The following THADA variants were observed in gnomAD, a reference collection of about 807,000 sequenced individuals.
THADA encodes THADA armadillo repeat containing.
A neutral mutation model predicts 219.8 loss-of-function variants in THADA; 213 were observed. That is an observed-to-expected ratio of 0.97 (90% CI 0.87 to 1.09). The LOEUF (loss-of-function observed/expected upper bound fraction) is 1.09, where lower values mean the gene tolerates loss of function less well. Ranked by LOEUF, THADA falls within the 50% of genes least tolerant of loss-of-function variation. The probability of loss-of-function intolerance (pLI) is 0.00; values close to 1 mark genes in which losing one functional copy is unlikely to be tolerated. For missense variants in THADA, 2,956 were observed against 2,311.3 expected (o/e 1.28, Z -5.72); for synonymous variants, 1,018 against 828.9 (o/e 1.23, Z -3.92).
chr2:43,264,138 T>A (rs1671261370), intron 36 of THADA, among the ~76,000 whole-genome samples: 1 of 152,024 alleles, frequency 6.6e-6, no homozygotes, highest in Non-Finnish European at 1.5e-5. Flanking sequence ...TATTGGGGAC[T>A]GATTTTTTTT....
At chr2:43,256,729 C>A (rs1670353672) in intron 36 of THADA, among the ~76,000 whole-genome samples, 1 of 151,582 alleles carries the variant, frequency 6.6e-6, no homozygotes, top group Admixed American at 6.6e-5. Flanking sequence ...CAGGTGTGTA[C>A]CATCAAGCCC....
At chr2:43,510,390 G>A (rs1340670450) in intron 22 of THADA, among the ~76,000 whole-genome samples, 4 of 151,970 alleles carry the variant, frequency 2.6e-5, no homozygotes, top group African/African-American at 9.7e-5. Flanking sequence ...ACACGTTTAT[G>A]TGTTTGGAAT....
In THADA at chr2:43,297,924, G is replaced by C. The variant is rs866723262; in HGVS notation, c.4439-4711C>G. 9.6e-5 allele frequency among the ~76,000 whole-genome samples: 10 copies of C among 103,738 alleles called. 1 individual carries two copies. The South Asian group carries it at 9.9e-4, about 10-fold the overall frequency. The allele number at this position is 103,738 out of a possible 152,430, so 68.1% of individuals were successfully genotyped here. ...TGGGAAGTGAGGAGCCCCTCTGCCCGGCCAGCCGCCATCCGGGAGGGAGGT... is the reference window on the plus strand; with the variant it reads ...TGGGAAGTGAGGAGCCCCTCTGCCCCGCCAGCCGCCATCCGGGAGGGAGGT... On this transcript the variant is annotated intron_variant, in intron 31 of 37. Transcript: ENST00000405975.
rs977612306 is a variant in THADA at position 43,456,209 on chromosome 2, A to G, written c.3837-25907T>C. 3.9e-5 allele frequency among the ~76,000 whole-genome samples: 6 copies of G among 152,352 alleles called. No homozygotes were observed. In the South Asian group the frequency reaches 1.2e-3, roughly 32 times the overall value. ...CTCATCTAAATTATAAAATCACATT[A>G]AAAGTTTAAAAAAAGTCATGCATTC... On this transcript the variant is annotated intron_variant, in intron 26 of 37. Coordinates refer to ENST00000405975, the MANE Select transcript of THADA (RefSeq NM_022065.5).
intron 23 of THADA, among the ~76,000 whole-genome samples, chr2:43,507,719 C>T (rs962069595): frequency 1.3e-5 from 2 of 152,106 alleles, no homozygotes; most frequent in African/African-American, 4.8e-5. Flanking sequence ...TTTTATTATA[C>T]CACCATATTC....
intron 22 of THADA, among the ~76,000 whole-genome samples, chr2:43,522,118 T>G (rs760119693): frequency 2.0e-5 from 3 of 152,208 alleles, no homozygotes; most frequent in Non-Finnish European, 2.9e-5. Flanking sequence ...TATTTCAAAG[T>G]TCATGTTTAT....
At chr2:43,308,702 T>C (rs758903318) in intron 31 of THADA, among the ~76,000 whole-genome samples, 1 of 113,918 alleles carries the variant, frequency 8.8e-6, no homozygotes, top group Non-Finnish European at 1.7e-5. Flanking sequence ...ACCCTGTCTC[T>C]AGAAACGAAG....
chr2:43,232,649 C>A, intron 37 of THADA, 64 bp downstream of exon 37: 1 of 1,536,552 alleles, frequency 6.5e-7, no homozygotes, highest in Non-Finnish European at 8.9e-7. Context: ...GCTGTAGGTG[C>A]TGCATCTAGC....
chr2:43,297,586 G>C (rs1250216722), intron 31 of THADA, among the ~76,000 whole-genome samples: 3 of 107,004 alleles, frequency 2.8e-5, no homozygotes, highest in Admixed American at 1.6e-4. Flanking sequence ...CGTGCCGTCC[G>C]GGAGGGAGGT....
At chr2:43,501,647 A>T in intron 24 of THADA, among the ~76,000 whole-genome samples, 1 of 152,110 alleles carries the variant, frequency 6.6e-6, no homozygotes, top group East Asian at 1.9e-4. Context: ...CATAATAATT[A>T]AACTAGTGGT....
At chr2:43,582,137 T>A (rs553581072) in intron 7 of THADA, among the ~76,000 whole-genome samples, 1 of 152,330 alleles carries the variant, frequency 6.6e-6, no homozygotes, top group East Asian at 1.9e-4. Context: ...AATCTACATG[T>A]CCCTCTTTCT....
rs766628675 is a variant in THADA, at chr2:43,556,457, G to C, written c.2562C>G (p.Phe854Leu). The change falls in exon 17 of 38, where the codon TTC (phenylalanine) becomes TTG (leucine). Residue 854 changes from phenylalanine (F) to leucine (L), a missense_variant. Phe to Leu is a conservative substitution (Grantham distance 22, BLOSUM62 0). Transcript: ENST00000405975. Reference protein sequence around the residue: ...DCVTASYLLNFLIWQDALPSS... With the variant: ...DCVTASYLLNLLIWQDALPSS... ...ACGGTAGAGCATCCTGCCAGATTAA[G>C]AAGTTCAGCAGGTAGGAAGCTGTCA... 6.2e-7 allele frequency: 1 copy of C among 1,613,900 alleles called. No individual in the cohort carries two copies. Among genetic ancestry groups the C allele is most frequent in the Admixed American group, 1.7e-5 (1 of 60,004 alleles).
At chr2:43,259,847 G>A (rs187822284) in intron 36 of THADA, among the ~76,000 whole-genome samples, 22 of 152,304 alleles carry the variant, frequency 1.4e-4, no homozygotes, top group African/African-American at 5.3e-4. Flanking sequence ...TTTACTAAAA[G>A]GGAATTGCTG....
chr2:43,412,902 G>C (rs564071172), intron 28 of THADA, among the ~76,000 whole-genome samples: 93 of 152,108 alleles, frequency 6.1e-4, no homozygotes, highest in African/African-American at 2.1e-3. Flanking sequence ...CTTTTCTAAA[G>C]AAAACACTAA....
chr2:43,441,191 T>G (rs532715572), intron 26 of THADA, among the ~76,000 whole-genome samples: 1 of 152,258 alleles, frequency 6.6e-6, no homozygotes, highest in South Asian at 2.1e-4. Flanking sequence ...TACAGAAAAT[T>G]TCAACCTTGT....
In THADA at chr2:43,430,585, G is replaced by C. The variant is rs1427498593; in HGVS notation, c.3837-283C>G. The C allele has an allele frequency of 5.0e-5, 24 of 481,388 alleles. No homozygotes were observed. In the East Asian group the frequency reaches 1.4e-3, roughly 29 times the overall value. The allele number at this position is 481,388 out of a possible 1,614,324, so 29.8% of individuals were successfully genotyped here. A position where few individuals can be genotyped will look rare whatever the true frequency, so the allele number is the denominator to read the frequency against. On this transcript the variant is annotated intron_variant, in intron 26 of 37. Coordinates refer to ENST00000405975, the MANE Select transcript of THADA (RefSeq NM_022065.5). Reference sequence around the variant, plus strand: ...TTATCAGGGAAGAAATATGTAATCTGTGCCAATGCCAAGTTTCCACAACTG... The same window carrying C: ...TTATCAGGGAAGAAATATGTAATCTCTGCCAATGCCAAGTTTCCACAACTG...
intron 26 of THADA, among the ~76,000 whole-genome samples, chr2:43,431,934 G>A (rs1438768978): frequency 9.9e-6 from 1 of 101,262 alleles, no homozygotes; most frequent in Non-Finnish European, 1.9e-5. Context: ...TCGGCTCACT[G>A]CAAGCTCCGC....
In THADA at chr2:43,560,369, T is replaced by A; in HGVS notation, c.2328A>T (p.Val776=). 1 of 1,592,340 alleles carries A rather than the reference T, an allele frequency of 6.3e-7. No individual in the cohort carries two copies. The highest frequency in any genetic ancestry group is 8.5e-7 in the Non-Finnish European group (1 of 1,171,910). Residue 776 remains valine, a synonymous_variant, in exon 16 of 38, where the codon GTA becomes GTT. Coordinates refer to ENST00000405975, the MANE Select transcript of THADA (RefSeq NM_022065.5). The stretch of plus-strand genomic sequence containing the variant: ...CATCAATATCATGACTCAGCTGATA[T>A]ACTGTATAAATTCTGCCTAAAAATA... ...FHVPEGRIYT[V]YQLSHDIDVG...
At chr2:43,239,925 G>C (rs1029698505) in intron 36 of THADA, among the ~76,000 whole-genome samples, 3 of 152,250 alleles carry the variant, frequency 2.0e-5, no homozygotes, top group Non-Finnish European at 4.4e-5. Context: ...GATCACCTGT[G>C]TGTGGAGGAC....
Sources: gnomAD v4.1 joint callset for allele counts (sites outside exome capture counted in the v4.1 genomes callset) on GRCh38, gnomAD v4.1.1 for gene constraint, MANE v1.5 for transcripts, NCBI Gene and HGNC (gene_info 2026-07-23, HGNC 2026-07-21) for gene names.